CGRRF1: variants seen among roughly 807,000 people sequenced by gnomAD.
CGRRF1 encodes the protein cell growth regulator with RING finger domain protein 1.
In CGRRF1, 32 loss-of-function variants were observed where a neutral mutation model predicts 37.2. That is an observed-to-expected ratio of 0.86 (90% CI 0.65 to 1.16). The LOEUF is 1.16. Among genes scored for constraint, CGRRF1 ranks in the 50% most tolerant of loss-of-function variants. CGRRF1 has a pLI of 0.00. For synonymous variants in CGRRF1, 141 were observed against 140.3 expected (o/e 1.00, Z -0.04); for missense variants, 391 against 382.6 (o/e 1.02, Z -0.18).
intron 4 of CGRRF1, among the ~76,000 whole-genome samples, chr14:54,535,615 C>G (rs1234155079): frequency 6.6e-6 from 1 of 152,070 alleles, no homozygotes; most frequent in Non-Finnish European, 1.5e-5. Flanking sequence ...TTTTCTCCCC[C>G]TTGATCTGTG....
At position 54,510,076 on chromosome 14, in the gene CGRRF1, G is replaced by A. The variant is rs964400930; in HGVS notation, c.104+13G>A. Reference sequence around the variant, plus strand: ...TGGTATTGGGATGGTAAGTGTCCCAGGGGTGAGAGACGAAGGGGCGGATAC... The same window carrying A: ...TGGTATTGGGATGGTAAGTGTCCCAAGGGTGAGAGACGAAGGGGCGGATAC... On this transcript the variant is annotated intron_variant, in intron 1 of 5. Coordinates refer to ENST00000216420, the MANE Select transcript of CGRRF1 (RefSeq NM_006568.3). 1.8e-5 allele frequency: 28 copies of A among 1,583,258 alleles called. No homozygotes were observed. The highest frequency in any genetic ancestry group is 2.3e-5 in the Non-Finnish European group (27 of 1,153,256).
At chr14:54,525,483 A>G (rs2032396895) in intron 2 of CGRRF1, among the ~76,000 whole-genome samples, 2 of 152,268 alleles carry the variant, frequency 1.3e-5, no homozygotes, top group South Asian at 2.1e-4. Context: ...GATGTACAGC[A>G]TGAATACTGA....
At chr14:54,510,999 A>G (rs1594644293) in intron 1 of CGRRF1, among the ~76,000 whole-genome samples, 1 of 152,230 alleles carries the variant, frequency 6.6e-6, no homozygotes, top group South Asian at 2.1e-4. Context: ...TTGGAGAATG[A>G]GCATTTTGAA....
intron 4 of CGRRF1, among the ~76,000 whole-genome samples, chr14:54,532,285 C>G (rs1482489960): frequency 1.3e-5 from 2 of 152,088 alleles, no homozygotes; most frequent in African/African-American, 4.8e-5. Flanking sequence ...TTAATATTTT[C>G]AAACTGAAGT....
intron 2 of CGRRF1, chr14:54,523,200 T>A (rs1347324873): frequency 1.9e-5 from 3 of 154,542 alleles, no homozygotes; most frequent in Non-Finnish European, 4.4e-5. Flanking sequence ...ACTCCTGACC[T>A]CAGATGATCC....
At chr14:54,530,254 G>A (rs754608326) in intron 3 of CGRRF1, 28 bp downstream of exon 3, 7 of 1,537,976 alleles carry the variant, frequency 4.6e-6, no homozygotes, top group South Asian at 1.2e-5. Flanking sequence ...ATACCCATTA[G>A]CACTGAAAAT....
chr14:54,534,992 T>A (rs1417293133), intron 4 of CGRRF1, among the ~76,000 whole-genome samples: 1 of 152,200 alleles, frequency 6.6e-6, no homozygotes, highest in Non-Finnish European at 1.5e-5. Context: ...GGGCTGAGAT[T>A]ACAGGCGTGA....
intron 1 of CGRRF1, among the ~76,000 whole-genome samples, chr14:54,517,890 T>A (rs2032243694): frequency 6.6e-6 from 1 of 152,230 alleles, no homozygotes; most frequent in Admixed American, 6.5e-5. Context: ...TTTTCTGTTC[T>A]TGCATTAGTT....
At position 54,522,556 on chromosome 14, in the gene CGRRF1, C is replaced by T; in HGVS notation, c.207C>T (p.Gly69=). Residue 69 remains glycine (G), a synonymous_variant, in exon 2 of 6, where the codon GGC becomes GGT. Transcript: ENST00000216420. The part of the protein sequence containing the change: ...KQMRQVKNPF[G]LEITNPSSAS... ...TGAGACAAGTCAAGAATCCTTTTGG[C>T]TTAGAGATCACTAATCCATCTTCAG... 6.2e-7 allele frequency: 1 copy of T among 1,601,974 alleles called. No individual in the cohort carries two copies. Among genetic ancestry groups the T allele is most frequent in the Non-Finnish European group, 8.5e-7 (1 of 1,175,752 alleles).
intron 1 of CGRRF1, among the ~76,000 whole-genome samples, chr14:54,511,990 C>G (rs2032137149): frequency 1.3e-5 from 2 of 152,154 alleles, no homozygotes. Context: ...CAAACTTAAG[C>G]CAAGGCCATG....
chr14:54,526,351 G>A (rs979996185), intron 2 of CGRRF1, among the ~76,000 whole-genome samples: 11 of 151,312 alleles, frequency 7.3e-5, no homozygotes, highest in Non-Finnish European at 1.6e-4. Flanking sequence ...GGGTTTCACC[G>A]TGTTATCCAG....
intron 2 of CGRRF1, among the ~76,000 whole-genome samples, chr14:54,527,291 T>G (rs913271895): frequency 6.6e-6 from 1 of 152,112 alleles, no homozygotes; most frequent in African/African-American, 2.4e-5. Flanking sequence ...ATAGTGGAAA[T>G]CATTACATTC....
At position 54,530,889 on chromosome 14, in the gene CGRRF1, A is replaced by C. The variant is rs560283169; in HGVS notation, c.423-14A>C. 1 of 1,560,638 alleles carries C rather than the reference A, an allele frequency of 6.4e-7. No individual in the cohort carries two copies. Among genetic ancestry groups the C allele is most frequent in the Non-Finnish European group, 8.8e-7 (1 of 1,136,376 alleles). On this transcript the variant is annotated splice_polypyrimidine_tract_variant and intron_variant, in intron 3 of 5. Coordinates refer to ENST00000216420, the MANE Select transcript of CGRRF1 (RefSeq NM_006568.3). ...ATGGTTATAGTGGCAATTTACCTTT[A>C]CATTTTCAAAAAGTATTAAAAAGGA...
At chr14:54,525,379 A>G (rs2032395189) in intron 2 of CGRRF1, among the ~76,000 whole-genome samples, 1 of 152,250 alleles carries the variant, frequency 6.6e-6, no homozygotes, top group Non-Finnish European at 1.5e-5. Flanking sequence ...AAATGAAAAG[A>G]TAGCCAGTAA....
chr14:54,527,513 G>A (rs937304241), intron 2 of CGRRF1, among the ~76,000 whole-genome samples: 1 of 151,996 alleles, frequency 6.6e-6, no homozygotes, highest in African/African-American at 2.4e-5. Flanking sequence ...TATAGATTCT[G>A]TAGTTTTTTT....
At position 54,538,033 on chromosome 14, in the gene CGRRF1, A is replaced by T; in HGVS notation, c.679-30A>T. ...TTAAAGAGTAATTGTTATTTATAATAATCTTTAAATTTATTTCTTTGATTT... is the reference window on the plus strand; with the variant it reads ...TTAAAGAGTAATTGTTATTTATAATTATCTTTAAATTTATTTCTTTGATTT... On this transcript the variant is annotated intron_variant, in intron 5 of 5. Transcript: ENST00000216420. 4 of 1,512,298 alleles carry T rather than the reference A, an allele frequency of 2.6e-6. No individual in the cohort carries two copies. The South Asian group carries it at 5.2e-5, about 20-fold the overall frequency. The allele number at this position is 1,512,298 out of a possible 1,614,324, so 93.7% of individuals were successfully genotyped here. A position where few individuals can be genotyped will look rare whatever the true frequency, so the allele number is the denominator to read the frequency against.
intron 1 of CGRRF1, among the ~76,000 whole-genome samples, chr14:54,512,112 A>C (rs1487325610): frequency 6.6e-6 from 1 of 152,188 alleles, no homozygotes; most frequent in African/African-American, 2.4e-5. Context: ...GTTAATACGC[A>C]TGTTTTTCAC....
rs1292606587 is a variant in CGRRF1 at position 54,522,374 on chromosome 14, A to G, written c.105-80A>G. 1.1e-4 allele frequency: 108 copies of G among 1,012,722 alleles called. 2 individuals are homozygous for G. The South Asian group carries it at 2.0e-3, about 18-fold the overall frequency. 62.7% of individuals were successfully genotyped at this position (1,012,722 alleles called of 1,614,324 possible). On this transcript the variant is annotated intron_variant, in intron 1 of 5. Transcript: ENST00000216420. Reference sequence around the variant, plus strand: ...CACTTAATGCTAAAAGGAATCGCTAATGAAGCACAACAGATTTTACACATA... The same window carrying G: ...CACTTAATGCTAAAAGGAATCGCTAGTGAAGCACAACAGATTTTACACATA...
At chr14:54,537,880 C>G (rs1282204434) in intron 5 of CGRRF1, 51 bp downstream of exon 5, 1 of 1,561,270 alleles carries the variant, frequency 6.4e-7, no homozygotes, top group Non-Finnish European at 8.6e-7. Flanking sequence ...TACAGAGTTT[C>G]AAAGAATGGC....
Sources: gnomAD v4.1 joint callset for allele counts (sites outside exome capture counted in the v4.1 genomes callset) on GRCh38, gnomAD v4.1.1 for gene constraint, MANE v1.5 for transcripts, NCBI Gene and HGNC (gene_info 2026-07-23, HGNC 2026-07-21) for gene names.